RHEX: variants seen among roughly 807,000 people sequenced by gnomAD.
RHEX encodes the protein regulator of hemoglobinization and erythroid cell expansion protein.
RHEX carries 18 observed loss-of-function variants against 20.1 expected under a neutral mutation model. The ratio of observed to expected loss-of-function variants is 0.90; its 90% confidence interval spans 0.62 to 1.33. The LOEUF is 1.33. Among genes scored for constraint, RHEX ranks in the 40% most tolerant of loss-of-function variants. The pLI is 0.00. For missense variants in RHEX, 192 were observed against 214.3 expected, an observed-to-expected ratio of 0.90 and a Z score of 0.65; for synonymous variants, 87 against 77.1, an observed-to-expected ratio of 1.13 and a Z score of -0.67.
chr1:206,100,620 T>C, intron 4 of RHEX, among the ~76,000 whole-genome samples: 1 of 152,252 alleles, frequency 6.6e-6, no homozygotes, highest in Middle Eastern at 3.4e-3. Flanking sequence ...ATTGTTTAGC[T>C]GTCAGGGACC....
intron 4 of RHEX, among the ~76,000 whole-genome samples, 189 bp from the exon 5 acceptor site, chr1:206,100,947 C>T (rs1393778162): frequency 1.3e-5 from 2 of 152,162 alleles, no homozygotes; most frequent in African/African-American, 4.8e-5. Context: ...CCCTACTCTT[C>T]CCCTATTCTG....
chr1:206,074,442 C>T (rs1553284996), intron 1 of RHEX, among the ~76,000 whole-genome samples: 1 of 152,218 alleles, frequency 6.6e-6, no homozygotes, highest in Non-Finnish European at 1.5e-5. Context: ...TACTGGCCAT[C>T]ATAGCAAAGC....
In RHEX at chr1:206,101,964, T is replaced by A. The variant is rs782677174; in HGVS notation, c.*12T>A. Reference sequence around the variant, plus strand: ...AAGTGGCCATGTGAATTCCAAATATTTTTAATGGGGTCCAGTTCTCTATGG... The same window carrying A: ...AAGTGGCCATGTGAATTCCAAATATATTTAATGGGGTCCAGTTCTCTATGG... On this transcript the variant is annotated 3_prime_UTR_variant, in exon 6 of 6. Transcript: ENST00000331555. 2.5e-6 allele frequency: 4 copies of A among 1,590,026 alleles called. No homozygotes were observed. In the South Asian group the frequency reaches 4.4e-5, roughly 18 times the overall value.
At chr1:206,089,226 G>C (rs1553286704) in intron 1 of RHEX, among the ~76,000 whole-genome samples, 1 of 151,148 alleles carries the variant, frequency 6.6e-6, no homozygotes, top group Non-Finnish European at 1.5e-5. Flanking sequence ...ATTTTTTGTA[G>C]AGAGGGGGAT....
chr1:206,055,186 C>T (rs1171637410), intron 1 of RHEX, among the ~76,000 whole-genome samples: 6 of 152,268 alleles, frequency 3.9e-5, no homozygotes, highest in East Asian at 1.9e-4. Flanking sequence ...AAAGTCCCTG[C>T]GGGTCAGCCC....
intron 1 of RHEX, among the ~76,000 whole-genome samples, chr1:206,078,360 T>C (rs1428427580): frequency 6.6e-6 from 1 of 151,888 alleles, no homozygotes; most frequent in African/African-American, 2.4e-5. Flanking sequence ...GGCAACATAG[T>C]GAGACCTCGT....
intron 1 of RHEX, among the ~76,000 whole-genome samples, chr1:206,077,069 G>A (rs1553285352): frequency 6.6e-6 from 1 of 152,146 alleles, no homozygotes; most frequent in East Asian, 1.9e-4. Flanking sequence ...GTGTATACAT[G>A]CATCGTGTCC....
At chr1:206,084,936 G>A (rs757010834) in intron 1 of RHEX, among the ~76,000 whole-genome samples, 20 of 152,100 alleles carry the variant, frequency 1.3e-4, no homozygotes, top group Admixed American at 7.2e-4. Context: ...ATGGTCTCAT[G>A]TAGCCCTCCT....
intron 1 of RHEX, among the ~76,000 whole-genome samples, chr1:206,078,430 T>C (rs1662674684): frequency 6.6e-6 from 1 of 152,132 alleles, no homozygotes; most frequent in Non-Finnish European, 1.5e-5. Flanking sequence ...GCTTGGTGGC[T>C]TGGGCCTATA....
At chr1:206,097,018 G>T (rs983005980) in intron 1 of RHEX, among the ~76,000 whole-genome samples, 24 of 152,036 alleles carry the variant, frequency 1.6e-4, no homozygotes, top group African/African-American at 5.5e-4. Flanking sequence ...CAAGTGATCT[G>T]CCCACCTCAG....
At position 206,065,157 on chromosome 1, in the gene RHEX, T is replaced by C. The variant is rs184395765; in HGVS notation, c.-97+11892T>C. 3.5e-4 allele frequency among the ~76,000 whole-genome samples: 53 copies of C among 152,308 alleles called. No individual in the cohort carries two copies. In the East Asian group the frequency reaches 7.5e-3, roughly 22 times the overall value. On this transcript the variant is annotated intron_variant, in intron 1 of 5. Transcript: ENST00000331555. Reference sequence around the variant, plus strand: ...AATGCTGCGGAAGGCCGCAGGGTCTTCTGCCTAGGAAAACCAGAGACCTTT... The same window carrying C: ...AATGCTGCGGAAGGCCGCAGGGTCTCCTGCCTAGGAAAACCAGAGACCTTT...
chr1:206,090,202 CTTT>C (rs59499927), intron 1 of RHEX, among the ~76,000 whole-genome samples: 4 of 112,588 alleles, frequency 3.6e-5, no homozygotes, highest in Admixed American at 9.1e-5. Context: ...TCTTTTCTTT[CTTT>C]TTTTTTTTTT....
At chr1:206,085,949 A>C (rs1662829794) in intron 1 of RHEX, among the ~76,000 whole-genome samples, 1 of 152,204 alleles carries the variant, frequency 6.6e-6, no homozygotes, top group African/African-American at 2.4e-5. Flanking sequence ...GGACCCTGAC[A>C]TGGTGACCAG....
At chr1:206,066,546 C>T (rs995475189) in intron 1 of RHEX, among the ~76,000 whole-genome samples, 5 of 152,096 alleles carry the variant, frequency 3.3e-5, no homozygotes, top group African/African-American at 7.2e-5. Flanking sequence ...GAACCTGGGA[C>T]GTCAAGTTTG....
At chr1:206,085,002 C>T (rs566477025) in intron 1 of RHEX, among the ~76,000 whole-genome samples, 44 of 152,272 alleles carry the variant, frequency 2.9e-4, no homozygotes, top group Non-Finnish European at 3.2e-4. Flanking sequence ...AAGGCCTGGT[C>T]TAACTCTTCT....
chr1:206,072,769 C>A (rs146445760), intron 1 of RHEX, among the ~76,000 whole-genome samples: 1 of 150,782 alleles, frequency 6.6e-6, no homozygotes, highest in East Asian at 1.9e-4. Flanking sequence ...GAAGCCCTAA[C>A]ATTTATGACT....
At chr1:206,098,019 G>T (rs1457240549) in intron 2 of RHEX, 62 bp from the exon 3 acceptor site, 3 of 1,362,844 alleles carry the variant, frequency 2.2e-6, no homozygotes, top group South Asian at 1.2e-5. Flanking sequence ...GACAGGGATA[G>T]GTTTGCAATT....
At chr1:206,055,907 A>C (rs1553282558) in intron 1 of RHEX, among the ~76,000 whole-genome samples, 1 of 152,288 alleles carries the variant, frequency 6.6e-6, no homozygotes, top group Non-Finnish European at 1.5e-5. Context: ...CCATGTCCAA[A>C]GTCCCTGGTA....
intron 1 of RHEX, among the ~76,000 whole-genome samples, chr1:206,081,694 A>G (rs1662739374): frequency 6.6e-6 from 1 of 152,232 alleles, no homozygotes; most frequent in South Asian, 2.1e-4. Flanking sequence ...AATGACACTG[A>G]AATATGTGTG....
Sources: gnomAD v4.1 joint callset for allele counts (sites outside exome capture counted in the v4.1 genomes callset) on GRCh38, gnomAD v4.1.1 for gene constraint, MANE v1.5 for transcripts, NCBI Gene and HGNC (gene_info 2026-07-23, HGNC 2026-07-21) for gene names.